Variants in FCHSD2 observed in about 807,000 individuals in gnomAD.
The protein encoded by FCHSD2 is FCH and double SH3 domains 2, also known as F-BAR and double SH3 domains protein 2.
FCHSD2 carries 38 observed loss-of-function variants against 108.1 expected under a neutral mutation model. That is an observed-to-expected ratio of 0.35 (90% CI 0.27 to 0.46). The LOEUF is 0.46. FCHSD2 is among the 20% of genes least tolerant of loss of function. The pLI is 1.00. For synonymous variants in FCHSD2, 279 were observed against 314.7 expected, an observed-to-expected ratio of 0.89 and a Z score of 1.20; for missense variants, 751 against 897.8, an observed-to-expected ratio of 0.84 and a Z score of 2.09.
chr11:73,052,386 T>C (rs936380730), intron 3 of FCHSD2, among the ~76,000 whole-genome samples: 1 of 152,214 alleles, frequency 6.6e-6, no homozygotes, highest in Non-Finnish European at 1.5e-5. Flanking sequence ...GTTTCCATCA[T>C]TGAGAAACTC....
intron 4 of FCHSD2, among the ~76,000 whole-genome samples, chr11:73,014,367 G>T (rs1052382917): frequency 6.6e-6 from 1 of 151,948 alleles, no homozygotes; most frequent in Non-Finnish European, 1.5e-5. Context: ...TGCCTCAAGT[G>T]ATCCTTCCAC....
chr11:72,938,340 G>A (rs775541897), intron 8 of FCHSD2, among the ~76,000 whole-genome samples: 11 of 152,088 alleles, frequency 7.2e-5, no homozygotes, highest in Non-Finnish European at 1.3e-4. Context: ...TCAGCCAGTC[G>A]AGACTATTAG....
intron 10 of FCHSD2, among the ~76,000 whole-genome samples, chr11:72,895,580 A>G (rs1855401440): frequency 6.6e-6 from 1 of 152,184 alleles, no homozygotes; most frequent in Non-Finnish European, 1.5e-5. Flanking sequence ...TAATGCGTCT[A>G]TGCAAAGATC....
intron 2 of FCHSD2, among the ~76,000 whole-genome samples, chr11:73,089,721 G>A (rs1859908408): frequency 6.6e-6 from 1 of 152,174 alleles, no homozygotes; most frequent in South Asian, 2.1e-4. Flanking sequence ...TATACAAAGT[G>A]TCTAGAATAA....
chr11:73,030,851 CA>C, intron 3 of FCHSD2, among the ~76,000 whole-genome samples: 1 of 152,184 alleles, frequency 6.6e-6, no homozygotes, highest in East Asian at 1.9e-4. Context: ...CCTACTCTTT[CA>C]GCAAAAAATC....
intron 8 of FCHSD2, among the ~76,000 whole-genome samples, chr11:72,980,343 C>T (rs371020243): frequency 1.2e-4 from 18 of 152,120 alleles, no homozygotes; most frequent in African/African-American, 3.6e-4. Flanking sequence ...TCTGCTCCGT[C>T]GAAACTTTTC....
intron 3 of FCHSD2, among the ~76,000 whole-genome samples, chr11:73,025,930 C>T (rs536016137): frequency 1.4e-4 from 22 of 152,082 alleles, no homozygotes; most frequent in Middle Eastern, 3.4e-3. Flanking sequence ...ATATGCTCCA[C>T]GTTTTGACTA....
At chr11:73,098,895 G>GA (rs976167990) in intron 2 of FCHSD2, among the ~76,000 whole-genome samples, 7 of 152,108 alleles carry the variant, frequency 4.6e-5, no homozygotes, top group African/African-American at 1.7e-4. Flanking sequence ...AAACAACGAA[G>GA]AAAAAACAGG....
At chr11:72,843,885 G>A (rs1177499485) in intron 14 of FCHSD2, among the ~76,000 whole-genome samples, 1 of 151,962 alleles carries the variant, frequency 6.6e-6, no homozygotes, top group Non-Finnish European at 1.5e-5. Flanking sequence ...GAACATGCCT[G>A]TAGTCCCAAC....
intron 14 of FCHSD2, among the ~76,000 whole-genome samples, chr11:72,848,818 G>C (rs943335526): frequency 3.9e-5 from 6 of 152,108 alleles, no homozygotes; most frequent in Admixed American, 2.0e-4. Context: ...TAAATATAAT[G>C]GGAGGTGGTA....
chr11:73,016,132 A>C lies in FCHSD2; in HGVS notation c.166-247T>G, dbSNP rs140747098. Among the ~76,000 whole-genome samples, 1,386 of 152,054 alleles carry C rather than the reference A, an allele frequency of 9.1e-3. 22 individuals are homozygous for C. Among genetic ancestry groups the C allele is most frequent in the African/African-American group, 0.03 (1,262 of 41,492 alleles). On this transcript the variant is annotated intron_variant, in intron 3 of 19. Transcript: ENST00000409418. ...AGCTTGGCCAACATGGTGAAAATCT[A>C]TCTCTACCAAAAATACAAAAATTAG...
In FCHSD2 at chr11:72,840,866, CAG is replaced by C. The variant is rs777215909; in HGVS notation, c.2139+9_2139+10del. 12 of 1,579,488 alleles carry C rather than the reference CAG, an allele frequency of 7.6e-6. No individual in the cohort carries two copies. In the South Asian group the frequency reaches 1.2e-4, roughly 16 times the overall value. Reference sequence around the variant, plus strand: ...TATGCATTCGATAATCCTGCAAGATCAGAGACTTACAGGTCGCAGTTTGCCAT... The same window carrying C: ...TATGCATTCGATAATCCTGCAAGATCAGACTTACAGGTCGCAGTTTGCCAT... On this transcript the variant is annotated intron_variant, in intron 19 of 19. Coordinates refer to ENST00000409418, the MANE Select transcript of FCHSD2 (RefSeq NM_014824.3).
At position 73,015,792 on chromosome 11, in the gene FCHSD2, A is replaced by G; in HGVS notation, c.242+17T>C. On this transcript the variant is annotated intron_variant, in intron 4 of 19. Coordinates refer to ENST00000409418, the MANE Select transcript of FCHSD2 (RefSeq NM_014824.3). ...AAAACCGTTTCTAAAGAAAATAGGC[A>G]AAAACTACTAATTTACCTGTAATCA... The G allele has an allele frequency of 1.3e-6, 2 of 1,555,856 alleles. No homozygotes were observed.
At chr11:73,046,202 G>A (rs1236933919) in intron 3 of FCHSD2, among the ~76,000 whole-genome samples, 1 of 151,966 alleles carries the variant, frequency 6.6e-6, no homozygotes, top group Non-Finnish European at 1.5e-5. Context: ...ATCTTGCCCA[G>A]GCTACAATCG....
intron 10 of FCHSD2, among the ~76,000 whole-genome samples, chr11:72,892,609 G>GT (rs995705161): frequency 6.0e-5 from 9 of 151,242 alleles, no homozygotes; most frequent in African/African-American, 2.2e-4. Flanking sequence ...TGTTTGTTTT[G>GT]TTTTTTGTTT....
intron 9 of FCHSD2, among the ~76,000 whole-genome samples, chr11:72,913,824 CAA>C (rs1555053450): frequency 1.2e-3 from 57 of 47,678 alleles, no homozygotes; most frequent in African/African-American, 1.7e-3. Flanking sequence ...AAAAAAAACC[CAA>C]AAAAAAAACA....
chr11:72,943,966 T>A (rs1226896609), intron 8 of FCHSD2, among the ~76,000 whole-genome samples: 5 of 152,158 alleles, frequency 3.3e-5, no homozygotes, highest in Non-Finnish European at 5.9e-5. Context: ...TTCTATTGCA[T>A]GACATGGAGG....
At chr11:72,853,616 T>C (rs755069238) in intron 13 of FCHSD2, among the ~76,000 whole-genome samples, 1 of 152,170 alleles carries the variant, frequency 6.6e-6, no homozygotes, top group Non-Finnish European at 1.5e-5. Flanking sequence ...GGTTTTACCG[T>C]GTTGCCCAGG....
chr11:72,879,881 C>T (rs2135230390), intron 12 of FCHSD2, among the ~76,000 whole-genome samples: 1 of 151,828 alleles, frequency 6.6e-6, no homozygotes, highest in South Asian at 2.1e-4. Flanking sequence ...TGCCTGTAAT[C>T]CCAGCTACTT....
Sources: allele counts gnomAD v4.1 joint callset (sites outside exome capture counted in the v4.1 genomes callset), GRCh38; gene constraint gnomAD v4.1.1; transcripts MANE v1.5; gene names NCBI Gene and HGNC (gene_info 2026-07-23, HGNC 2026-07-21).